Variants in SLC8A1 observed in about 807,000 individuals in gnomAD.
The protein encoded by SLC8A1 is solute carrier family 8 member A1, also known as sodium/calcium exchanger 1.
Under a neutral mutation model 68.3 loss-of-function variants are expected in SLC8A1, and 18 were observed. The ratio of observed to expected loss-of-function variants is 0.26; its 90% CI spans 0.18 to 0.39. The LOEUF is 0.39. Ranked by LOEUF, SLC8A1 falls within the 10% of genes least tolerant of loss-of-function variation. The pLI, the probability that SLC8A1 is intolerant of heterozygous loss-of-function variation, is 1.00. For missense variants in SLC8A1, 985 were observed against 1,156.7 expected, an observed-to-expected ratio of 0.85 and a Z score of 2.15; for synonymous variants, 475 against 415.5, an observed-to-expected ratio of 1.14 and a Z score of -1.74.
At chr2:40,262,208 AC>A (rs1292914375) in intron 2 of SLC8A1, among the ~76,000 whole-genome samples, 2 of 152,060 alleles carry the variant, frequency 1.3e-5, no homozygotes, top group African/African-American at 4.8e-5. Context: ...TGATCCGCCC[AC>A]CTCAGCCTCC....
intron 5 of SLC8A1, among the ~76,000 whole-genome samples, chr2:40,161,596 T>A (rs1338216612): frequency 6.6e-6 from 1 of 152,212 alleles, no homozygotes; most frequent in Non-Finnish European, 1.5e-5. Context: ...CACCTTGTTT[T>A]GTACAATCAG....
intron 6 of SLC8A1, among the ~76,000 whole-genome samples, chr2:40,149,964 T>C (rs1229458513): frequency 1.3e-5 from 2 of 150,764 alleles, no homozygotes; most frequent in Non-Finnish European, 2.9e-5. Flanking sequence ...CAATGCTTTA[T>C]GGTGCAGCAG....
At chr2:40,413,778 G>A (rs545392926) in intron 2 of SLC8A1, among the ~76,000 whole-genome samples, 82 of 152,170 alleles carry the variant, frequency 5.4e-4, no homozygotes, top group African/African-American at 1.9e-3. Context: ...AATTTCCTTT[G>A]TTCATAAGGC....
intron 2 of SLC8A1, among the ~76,000 whole-genome samples, chr2:40,306,453 G>T (rs189744351): frequency 3.3e-4 from 28 of 85,156 alleles, no homozygotes; most frequent in East Asian, 2.7e-3. Context: ...GAATGGTTGT[G>T]GGGGGGGGCA....
At chr2:40,335,884 A>G (rs1352451984) in intron 2 of SLC8A1, among the ~76,000 whole-genome samples, 2 of 152,258 alleles carry the variant, frequency 1.3e-5, no homozygotes, top group East Asian at 1.9e-4. Context: ...AATTCAAGAA[A>G]GAGATAAGTG....
At chr2:40,428,271 T>C (rs975558904) in intron 2 of SLC8A1, among the ~76,000 whole-genome samples, 3 of 152,060 alleles carry the variant, frequency 2.0e-5, no homozygotes, top group Admixed American at 6.6e-5. Flanking sequence ...TGTAAATAAA[T>C]TTAAGATCTC....
At chr2:40,249,905 T>A (rs531739396) in intron 2 of SLC8A1, among the ~76,000 whole-genome samples, 73 of 152,188 alleles carry the variant, frequency 4.8e-4, no homozygotes, top group African/African-American at 1.7e-3. Flanking sequence ...AAAATATATT[T>A]TGATAAGTAG....
chr2:40,315,354 G>GA (rs773439327), intron 2 of SLC8A1, among the ~76,000 whole-genome samples: 24 of 151,176 alleles, frequency 1.6e-4, no homozygotes, highest in Admixed American at 4.0e-4. Context: ...GTAATTTCTA[G>GA]AAAAATGGAA....
rs558155851 is a variant in SLC8A1, at chr2:40,121,293, G to A, written c.2438-5664C>T. Among the ~76,000 whole-genome samples, 6 of 152,284 alleles carry A rather than the reference G, an allele frequency of 3.9e-5. No individual in the cohort carries two copies. In the South Asian group the frequency reaches 1.2e-3, roughly 32 times the overall value. ...TTGAGAACCACAGTTGTAAGACATG[G>A]GAAGGGGAGATACTACTCGAAGTGC... On this transcript the variant is annotated intron_variant, in intron 7 of 7. Transcript: ENST00000406785.
Position 40,392,598 on chromosome 2 carries a change from A to G in SLC8A1, c.1808+35875T>C, listed in dbSNP as rs1559501541. Reference sequence around the variant, plus strand: ...AGTGCTAATTGCTGAAGATCTACCAATTTGCTGTGTGCTTTTACTAAAAAT... The same window carrying G: ...AGTGCTAATTGCTGAAGATCTACCAGTTTGCTGTGTGCTTTTACTAAAAAT... On this transcript the variant is annotated intron_variant, in intron 2 of 7. Coordinates refer to ENST00000406785, the Ensembl canonical transcript of SLC8A1. Among the ~76,000 whole-genome samples, 3 of 152,232 alleles carry G rather than the reference A, an allele frequency of 2.0e-5. No homozygotes were observed. The East Asian group carries it at 5.8e-4, about 29-fold the overall frequency.
chr2:40,253,182 C>CATATATACACGTAT (rs1358082246), intron 2 of SLC8A1, among the ~76,000 whole-genome samples: 1 of 133,760 alleles, frequency 7.5e-6, no homozygotes, highest in Non-Finnish European at 1.6e-5. Flanking sequence ...CACAAATATA[C>CATATATACACGTAT]ATATATACAC....
chr2:40,416,264 TAA>T (rs1693845116), intron 2 of SLC8A1, among the ~76,000 whole-genome samples: 1 of 152,114 alleles, frequency 6.6e-6, no homozygotes, highest in South Asian at 2.1e-4. Flanking sequence ...TCAACTTATA[TAA>T]GACACTAAAA....
intron 1 of SLC8A1, among the ~76,000 whole-genome samples, chr2:40,450,449 T>C (rs978434572): frequency 1.3e-5 from 2 of 152,068 alleles, no homozygotes; most frequent in African/African-American, 2.4e-5. Flanking sequence ...CTCTTTCCCT[T>C]GGGAAATCTT....
At chr2:40,421,833 A>G (rs1272244222) in intron 2 of SLC8A1, among the ~76,000 whole-genome samples, 1 of 152,232 alleles carries the variant, frequency 6.6e-6, no homozygotes, top group Non-Finnish European at 1.5e-5. Flanking sequence ...AAGTCTGTGA[A>G]AAGAAAGGGC....
chr2:40,209,927 A>G (rs2056267367), intron 2 of SLC8A1: 1 of 152,240 alleles, frequency 6.6e-6, no homozygotes, highest in African/African-American at 2.4e-5. Flanking sequence ...TTATGACATC[A>G]TCAAGTGCCT....
chr2:40,169,009 G>A (rs80313093), intron 4 of SLC8A1, among the ~76,000 whole-genome samples: 3 of 152,294 alleles, frequency 2.0e-5, no homozygotes, highest in Non-Finnish European at 4.4e-5. Flanking sequence ...CCCTTCTCCT[G>A]AGTAATTGAT....
At chr2:40,215,363 C>T (rs992997256) in intron 2 of SLC8A1, among the ~76,000 whole-genome samples, 2 of 151,922 alleles carry the variant, frequency 1.3e-5, no homozygotes, top group Admixed American at 6.5e-5. Flanking sequence ...AGAGGCCGGG[C>T]GCAGTGGCTC....
chr2:40,230,697 C>T (rs1166760519), intron 2 of SLC8A1, among the ~76,000 whole-genome samples: 1 of 152,042 alleles, frequency 6.6e-6, no homozygotes, highest in Admixed American at 6.6e-5. Flanking sequence ...AAATTTAATG[C>T]AAAATGTTGT....
intron 2 of SLC8A1, among the ~76,000 whole-genome samples, chr2:40,349,097 T>C (rs572207395): frequency 1.3e-4 from 20 of 152,312 alleles, no homozygotes; most frequent in African/African-American, 4.8e-4. Context: ...ATTCTCATTC[T>C]TCAGGGGCTA....
Sources: allele counts gnomAD v4.1 joint callset (sites outside exome capture counted in the v4.1 genomes callset), GRCh38; gene constraint gnomAD v4.1.1; transcripts MANE v1.5; gene names NCBI Gene and HGNC (gene_info 2026-07-23, HGNC 2026-07-21).